Variants in FER1L6 observed in about 807,000 individuals in gnomAD.
The protein encoded by FER1L6 is fer-1 like family member 6, also known as fer-1-like protein 6.
FER1L6 carries 177 observed loss-of-function variants against 219.2 expected under a neutral mutation model. The observed-to-expected ratio is 0.81, with a 90% CI of 0.71 to 0.91. FER1L6 has a LOEUF of 0.91. Among genes scored for constraint, FER1L6 ranks in the 40% least tolerant of loss-of-function variants. FER1L6 has a pLI of 0.00. For synonymous variants in FER1L6, 768 were observed against 824.3 expected (o/e 0.93, Z 1.17); for missense variants, 2,153 against 2,259.9 (o/e 0.95, Z 0.96).
chr8:123,862,764 C>T (rs1287757569), intron 1 of FER1L6, among the ~76,000 whole-genome samples: 3 of 114,814 alleles, frequency 2.6e-5, no homozygotes, highest in African/African-American at 1.2e-4. Context: ...AGTTTATTTG[C>T]GTAGAGGTGT....
At chr8:123,930,905 G>A (rs574634881) in intron 1 of FER1L6, among the ~76,000 whole-genome samples, 2 of 152,278 alleles carry the variant, frequency 1.3e-5, no homozygotes, top group African/African-American at 4.8e-5. Context: ...GGCATGGGTT[G>A]AGCATCTTCC....
intron 1 of FER1L6, among the ~76,000 whole-genome samples, chr8:123,937,271 T>C (rs778036086): frequency 6.6e-6 from 1 of 152,204 alleles, no homozygotes; most frequent in Admixed American, 6.5e-5. Flanking sequence ...ACAGATGAAG[T>C]CAATTAACAA....
intron 40 of FER1L6, 25 bp downstream of exon 40, chr8:124,118,969 A>G: frequency 6.3e-7 from 1 of 1,585,188 alleles, no homozygotes; most frequent in Non-Finnish European, 8.7e-7. Context: ...TAGTGGGAAC[A>G]TCAGAAATGG....
Position 123,956,019 on chromosome 8 carries a change from G to A in FER1L6, c.21G>A (p.Lys7=). 1 of 1,612,148 alleles carries A rather than the reference G, an allele frequency of 6.2e-7. No homozygotes were observed. The highest frequency in any genetic ancestry group is 1.1e-5 in the South Asian group (1 of 90,478). MFGLKV[K]KKRNKAEKGL... ...AGGGGATGTTTGGGCTGAAGGTGAA[G>A]AAGAAGAGAAATAAGGCAGAGAAGG... The change falls in exon 2 of 41, where the codon AAG becomes AAA. Residue 7 remains lysine, a synonymous_variant. Coordinates refer to ENST00000522917, the MANE Select transcript of FER1L6 (RefSeq NM_001039112.2).
intron 37 of FER1L6, among the ~76,000 whole-genome samples, chr8:124,100,082 T>C (rs946262965): frequency 6.6e-6 from 1 of 152,104 alleles, no homozygotes; most frequent in East Asian, 1.9e-4. Context: ...AGCTAAATAA[T>C]TGGGCCCATA....
chr8:123,980,439 A>T, intron 10 of FER1L6, 26 bp from the exon 11 acceptor site: 1 of 1,539,636 alleles, frequency 6.5e-7, no homozygotes. Flanking sequence ...ACATAATGAG[A>T]TAACTAAAAC....
At chr8:123,864,453 T>C (rs540545875) in intron 1 of FER1L6, among the ~76,000 whole-genome samples, 1 of 150,892 alleles carries the variant, frequency 6.6e-6, no homozygotes, top group African/African-American at 2.5e-5. Context: ...GACAATTATG[T>C]GTCTTGGAAA....
rs148089905 is a variant in FER1L6, at chr8:123,859,318, T to C, written c.-8+7133T>C. Among the ~76,000 whole-genome samples the C allele has an allele frequency of 2.0e-3, 312 of 152,282 alleles. 2 individuals are homozygous for C. The highest frequency in any genetic ancestry group is 6.0e-3 in the African/African-American group (249 of 41,552). ...GCCTAGCCTATTTATTTATTTTCAATGTGATGTTTTGATCTATGTGTACAT... is the reference window on the plus strand; with the variant it reads ...GCCTAGCCTATTTATTTATTTTCAACGTGATGTTTTGATCTATGTGTACAT... On this transcript the variant is annotated intron_variant, in intron 1 of 40. Coordinates refer to ENST00000522917, the MANE Select transcript of FER1L6 (RefSeq NM_001039112.2).
rs370359921 is a variant in FER1L6, at chr8:124,003,259, G to A, written c.1612G>A (p.Glu538Lys). ...AGAAGACCTCCTTCCACTGCTTCAC[G>A]AAGGGCAAGGGGATGTGGCCCATGA... ...AEEDLLPLLH[E>K]GQGDVAHDVP... Residue 538 changes from glutamate (E) to lysine (K), a missense_variant, in exon 13 of 41, where the codon GAA becomes AAA. Physicochemically the swap from Glu to Lys is moderately conservative, Grantham distance 56. Coordinates refer to ENST00000522917, the MANE Select transcript of FER1L6 (RefSeq NM_001039112.2). The A allele has an allele frequency of 1.5e-5, 25 of 1,614,024 alleles. No individual in the cohort carries two copies. The highest frequency in any genetic ancestry group is 3.3e-4 in the Middle Eastern group (2 of 6,058).
At chr8:124,097,245 A>C (rs754763317) in intron 35 of FER1L6, 26 bp from the exon 36 acceptor site, 2 of 1,586,852 alleles carry the variant, frequency 1.3e-6, no homozygotes, top group African/African-American at 1.3e-5. Flanking sequence ...CCCAAAGCTA[A>C]AGAAGATATT....
chr8:124,026,983 GCCTCTCTTCT>G (rs892415850), intron 18 of FER1L6, among the ~76,000 whole-genome samples: 1 of 152,114 alleles, frequency 6.6e-6, no homozygotes, highest in Non-Finnish European at 1.5e-5. Context: ...CATGTTCCAG[GCCTCTCTTCT>G]AGCTTCTGGT....
chr8:124,082,790 A>G (rs188572468), intron 33 of FER1L6, among the ~76,000 whole-genome samples: 2 of 152,310 alleles, frequency 1.3e-5, no homozygotes, highest in Admixed American at 1.3e-4. Context: ...AATTAATATA[A>G]TACAAATGCC....
intron 1 of FER1L6, among the ~76,000 whole-genome samples, chr8:123,869,042 C>T (rs1816882638): frequency 1.3e-5 from 2 of 152,034 alleles, no homozygotes; most frequent in Admixed American, 1.3e-4. Flanking sequence ...AGACTATGTG[C>T]TTGCTTAAGG....
intron 1 of FER1L6, among the ~76,000 whole-genome samples, chr8:123,883,902 C>T (rs190057672): frequency 3.0e-4 from 46 of 152,328 alleles, no homozygotes; most frequent in Middle Eastern, 3.4e-3. Context: ...TAATACTTCA[C>T]GTTACAATAC....
Position 124,103,401 on chromosome 8 carries a change from G to A in FER1L6, c.5289+92G>A, listed in dbSNP as rs893926541. On this transcript the variant is annotated intron_variant, in intron 39 of 40. Transcript: ENST00000522917. Reference sequence around the variant, plus strand: ...TCATTTTGTGAACTTCAAGTAAAATGCCTTGAAATGACATGAACCCTTCAT... The same window carrying A: ...TCATTTTGTGAACTTCAAGTAAAATACCTTGAAATGACATGAACCCTTCAT... The A allele has an allele frequency of 3.9e-6, 5 of 1,271,460 alleles. No homozygotes were observed. In the African/African-American group the frequency reaches 6.0e-5, roughly 15 times the overall value. The allele number at this position is 1,271,460 out of a possible 1,614,324, so 78.8% of individuals were successfully genotyped here. A position where few individuals can be genotyped will look rare whatever the true frequency, so the allele number is the denominator to read the frequency against.
intron 1 of FER1L6, among the ~76,000 whole-genome samples, chr8:123,886,278 G>A (rs1165062106): frequency 2.6e-5 from 4 of 152,292 alleles, no homozygotes; most frequent in South Asian, 2.1e-4. Context: ...GTGTTGAGAG[G>A]TGTGGCCTAG....
chr8:123,853,306 C>T lies in FER1L6; in HGVS notation c.-8+1121C>T, dbSNP rs980116563. ...AATAGCTGGGATTACAGGTGCTTGCCATCACACCCGGCTAATTTCTGTATT... is the reference window on the plus strand; with the variant it reads ...AATAGCTGGGATTACAGGTGCTTGCTATCACACCCGGCTAATTTCTGTATT... On this transcript the variant is annotated intron_variant, in intron 1 of 40. Transcript: ENST00000522917. The surrounding 1 kb of genome is among the most constrained non-coding windows in gnomAD (Gnocchi z 6.6). 3.9e-5 allele frequency among the ~76,000 whole-genome samples: 6 copies of T among 152,240 alleles called. No homozygotes were observed. The South Asian group carries it at 1.2e-3, about 32-fold the overall frequency.
intron 35 of FER1L6, among the ~76,000 whole-genome samples, chr8:124,095,443 C>T (rs1822241034): frequency 6.6e-6 from 1 of 152,210 alleles, no homozygotes; most frequent in Non-Finnish European, 1.5e-5. Context: ...CAAAATCTAT[C>T]TGTAACCACA....
chr8:124,002,069 G>A (rs1817433555), intron 12 of FER1L6, among the ~76,000 whole-genome samples: 2 of 152,202 alleles, frequency 1.3e-5, no homozygotes, highest in Non-Finnish European at 2.9e-5. Context: ...TGGCATCACA[G>A]ACTTGGCCCC....
Sources: allele counts gnomAD v4.1 joint callset (sites outside exome capture counted in the v4.1 genomes callset), GRCh38; gene constraint gnomAD v4.1.1; non-coding constraint Gnocchi (gnomAD v3.1); transcripts MANE v1.5; gene names NCBI Gene and HGNC (gene_info 2026-07-23, HGNC 2026-07-21).